LHPP: variants seen among roughly 807,000 people sequenced by gnomAD.
LHPP encodes hLHPP.
Under a neutral mutation model 30.3 loss-of-function variants are expected in LHPP, and 24 were observed. The ratio of observed to expected loss-of-function variants is 0.79; its 90% confidence interval spans 0.57 to 1.11. The LOEUF is 1.11. Ranked by LOEUF, LHPP falls within the 50% of genes most tolerant of loss-of-function variation. LHPP has a pLI of 0.00. For synonymous variants in LHPP, 150 were observed against 157.1 expected (o/e 0.95, Z 0.34); for missense variants, 356 against 367.2 (o/e 0.97, Z 0.25).
At chr10:124,493,082 T>C (rs1448253905) in intron 3 of LHPP, among the ~76,000 whole-genome samples, 6 of 149,066 alleles carry the variant, frequency 4.0e-5, no homozygotes, top group Non-Finnish European at 5.9e-5. Flanking sequence ...TTCCAGATCA[T>C]GGATAATAAT....
At chr10:124,560,365 A>C (rs1018301078) in intron 6 of LHPP, among the ~76,000 whole-genome samples, 29 of 152,244 alleles carry the variant, frequency 1.9e-4, no homozygotes, top group African/African-American at 6.5e-4. Context: ...TCTTAAACAT[A>C]ATTGAGATTG....
intron 6 of LHPP, among the ~76,000 whole-genome samples, chr10:124,571,584 GC>G (rs749572253): frequency 3.3e-5 from 5 of 152,214 alleles, no homozygotes; most frequent in Admixed American, 1.3e-4. Context: ...AAAGGGCAGA[GC>G]CCCCCGTGTT....
chr10:124,570,355 G>A (rs538612006), intron 6 of LHPP, among the ~76,000 whole-genome samples: 16 of 152,208 alleles, frequency 1.1e-4, no homozygotes, highest in Non-Finnish European at 1.8e-4. Context: ...TATGTGAGTC[G>A]GGCACTGGGC....
At chr10:124,513,409 T>C (rs182308290) in intron 5 of LHPP, among the ~76,000 whole-genome samples, 10 of 150,076 alleles carry the variant, frequency 6.7e-5, no homozygotes, top group Admixed American at 1.3e-4. Context: ...TTGGTGGTGG[T>C]TTTTTTTTCT....
intron 6 of LHPP, among the ~76,000 whole-genome samples, chr10:124,552,755 G>A (rs536099317): frequency 9.2e-5 from 14 of 152,314 alleles, no homozygotes; most frequent in African/African-American, 3.4e-4. Flanking sequence ...ACCAGCCCCA[G>A]CATGAGGCCC....
At chr10:124,471,100 C>A (rs931042287) in intron 1 of LHPP, among the ~76,000 whole-genome samples, 7 of 152,078 alleles carry the variant, frequency 4.6e-5, no homozygotes, top group African/African-American at 1.7e-4. Context: ...TCGACCAAGT[C>A]CCAGTGACTT....
rs1948668840 is a variant in LHPP at position 124,576,757 on chromosome 10, C to T, written c.717-36507C>T. Among the ~76,000 whole-genome samples, 1 of 152,050 alleles carries T rather than the reference C, an allele frequency of 6.6e-6. No homozygotes were observed. The highest frequency in any genetic ancestry group is 2.1e-4 in the South Asian group (1 of 4,818). Reference sequence around the variant, plus strand: ...TTCTTTAGGGCAGGAGTTACCTGCCCTGTAGACGGGGAGACCACATTAGTG... The same window carrying T: ...TTCTTTAGGGCAGGAGTTACCTGCCTTGTAGACGGGGAGACCACATTAGTG... On this transcript the variant is annotated intron_variant, in intron 6 of 6. Coordinates refer to ENST00000368842, the MANE Select transcript of LHPP (RefSeq NM_022126.4). The surrounding 1 kb of genome is among the most constrained non-coding windows in gnomAD (Gnocchi z 4.2).
intron 6 of LHPP, among the ~76,000 whole-genome samples, chr10:124,584,676 G>A (rs1948780461): frequency 6.6e-6 from 1 of 152,152 alleles, no homozygotes; most frequent in African/African-American, 2.4e-5. Context: ...TTCAATACAT[G>A]AATTCTGGGG....
chr10:124,490,852 G>C (rs1953500318), intron 3 of LHPP, among the ~76,000 whole-genome samples: 1 of 151,636 alleles, frequency 6.6e-6, no homozygotes, highest in South Asian at 2.1e-4. Context: ...ACAACCTAGA[G>C]TTCTGGAATC....
At chr10:124,476,565 G>A (rs901950403) in intron 1 of LHPP, among the ~76,000 whole-genome samples, 1 of 152,190 alleles carries the variant, frequency 6.6e-6, no homozygotes, top group Non-Finnish European at 1.5e-5. Context: ...ACGCCCAGGG[G>A]ACAGATGCCG....
At chr10:124,577,718 G>A (rs1948686914) in intron 6 of LHPP, among the ~76,000 whole-genome samples, 1 of 99,156 alleles carries the variant, frequency 1.0e-5, no homozygotes. Context: ...ACATGCATAT[G>A]TGTGCACACA....
At chr10:124,501,987 C>T (rs780366453) in intron 5 of LHPP, among the ~76,000 whole-genome samples, 8 of 151,946 alleles carry the variant, frequency 5.3e-5, no homozygotes, top group Non-Finnish European at 8.8e-5. Flanking sequence ...GCTCAGGGAA[C>T]TCCTAGGTAC....
At chr10:124,553,941 G>GC in intron 6 of LHPP, 1 of 985,428 alleles carries the variant, frequency 1.0e-6, no homozygotes, top group Non-Finnish European at 1.2e-6. Context: ...GAGGGACAGA[G>GC]CCCCCCTGTT....
chr10:124,469,781 G>A (rs995108450), intron 1 of LHPP, among the ~76,000 whole-genome samples: 8 of 152,158 alleles, frequency 5.3e-5, no homozygotes, highest in Non-Finnish European at 5.9e-5. Context: ...CTGCAGTCAT[G>A]GGGGACCAGC....
Position 124,602,377 on chromosome 10 carries a change from G to A in LHPP, c.717-10887G>A, listed in dbSNP as rs367804934. On this transcript the variant is annotated intron_variant, in intron 6 of 6. Transcript: ENST00000368842. Reference sequence around the variant, plus strand: ...ACTGCAGAGGTGTGGGCCCATTGTGGTATCGCTGATGTCCTGGAGGCCACA... The same window carrying A: ...ACTGCAGAGGTGTGGGCCCATTGTGATATCGCTGATGTCCTGGAGGCCACA... Among the ~76,000 whole-genome samples, 7 of 152,248 alleles carry A rather than the reference G, an allele frequency of 4.6e-5. No individual in the cohort carries two copies. The East Asian group carries it at 1.3e-3, about 29-fold the overall frequency.
In LHPP at chr10:124,576,284, G is replaced by A. The variant is rs1948658875; in HGVS notation, c.717-36980G>A. Among the ~76,000 whole-genome samples, 1 of 152,162 alleles carries A rather than the reference G, an allele frequency of 6.6e-6. No individual in the cohort carries two copies. Among genetic ancestry groups the A allele is most frequent in the African/African-American group, 2.4e-5 (1 of 41,426 alleles). ...TCAAAGAAAAACCCATTACCAACCCGGCAGAACATAAAGTACTAGTGTGGG... is the reference window on the plus strand; with the variant it reads ...TCAAAGAAAAACCCATTACCAACCCAGCAGAACATAAAGTACTAGTGTGGG... On this transcript the variant is annotated intron_variant, in intron 6 of 6. Coordinates refer to ENST00000368842, the MANE Select transcript of LHPP (RefSeq NM_022126.4). This position sits in a 1 kb window ranked among gnomAD's most constrained non-coding sequence, Gnocchi z 4.2.
intron 6 of LHPP, among the ~76,000 whole-genome samples, chr10:124,584,582 T>A (rs1018834090): frequency 5.3e-5 from 8 of 152,092 alleles, no homozygotes; most frequent in African/African-American, 1.9e-4. Flanking sequence ...AAATTGCTAA[T>A]CCTGTTCATG....
chr10:124,525,157 C>A (rs1217974961), intron 6 of LHPP, among the ~76,000 whole-genome samples: 1 of 152,198 alleles, frequency 6.6e-6, no homozygotes, highest in African/African-American at 2.4e-5. Context: ...AGTGGAATCG[C>A]ACACTGTACC....
intron 6 of LHPP, among the ~76,000 whole-genome samples, chr10:124,522,731 C>CCG (rs1208673212): frequency 6.0e-5 from 9 of 148,764 alleles, no homozygotes; most frequent in Admixed American, 1.3e-4. Context: ...ACGCCCCCCC[C>CCG]CAAGCACTGT....
Sources: allele counts gnomAD v4.1 joint callset (sites outside exome capture counted in the v4.1 genomes callset), GRCh38; gene constraint gnomAD v4.1.1; non-coding constraint Gnocchi (gnomAD v3.1); transcripts MANE v1.5; gene names NCBI Gene and HGNC (gene_info 2026-07-23, HGNC 2026-07-21).